MGMT: variants seen among roughly 807,000 people sequenced by gnomAD.
The protein encoded by MGMT is O-6-methylguanine-DNA methyltransferase.
MGMT carries 14 observed loss-of-function variants against 15.9 expected under a neutral mutation model. The ratio of observed to expected loss-of-function variants is 0.88; its 90% CI spans 0.58 to 1.37. MGMT has a LOEUF of 1.37. Ranked by LOEUF, MGMT falls within the 40% of genes most tolerant of loss-of-function variation. MGMT has a pLI of 0.00. For missense variants in MGMT, 282 were observed against 268.1 expected (o/e 1.05, Z -0.36); for synonymous variants, 130 against 118.2 (o/e 1.10, Z -0.65).
At chr10:129,698,778 T>G (rs1399213745) in intron 2 of MGMT, among the ~76,000 whole-genome samples, 1 of 152,226 alleles carries the variant, frequency 6.6e-6, no homozygotes, top group Admixed American at 6.5e-5. Context: ...TAAATTGTAG[T>G]CTCACGTAGT....
intron 2 of MGMT, among the ~76,000 whole-genome samples, chr10:129,619,327 G>A (rs1847064304): frequency 2.0e-5 from 3 of 152,052 alleles, no homozygotes; most frequent in Admixed American, 6.5e-5. Context: ...AGAAATGCAT[G>A]CATACATCTC....
intron 3 of MGMT, among the ~76,000 whole-genome samples, chr10:129,719,322 G>A (rs1832576569): frequency 6.6e-6 from 1 of 152,238 alleles, no homozygotes; most frequent in African/African-American, 2.4e-5. Flanking sequence ...CTTGTGTCAG[G>A]GCCATTAGCT....
rs867034852 is a variant in MGMT at position 129,544,265 on chromosome 10, G to A, written c.125+7888G>A. ...ATTGTATGCTGTGCAGGCCAGGGGA[G>A]GAAAGATCCCGGAAGTGGCAGCCAC... is the stretch of plus-strand genomic sequence containing the variant. On this transcript the variant is annotated intron_variant, in intron 2 of 4. Transcript: ENST00000651593. 1.3e-5 allele frequency among the ~76,000 whole-genome samples: 2 copies of A among 152,318 alleles called. 1 individual carries two copies. The highest frequency in any genetic ancestry group is 4.1e-4 in the South Asian group (2 of 4,824).
intron 2 of MGMT, among the ~76,000 whole-genome samples, chr10:129,704,047 C>CCCCTCTGTT (rs1848129795): frequency 6.6e-6 from 1 of 152,086 alleles, no homozygotes; most frequent in Non-Finnish European, 1.5e-5. Context: ...CCGCCTTCCC[C>CCCCTCTGTT]AGGGATCAGG....
intron 2 of MGMT, among the ~76,000 whole-genome samples, chr10:129,649,559 T>G (rs1847433808): frequency 6.6e-6 from 1 of 152,200 alleles, no homozygotes; most frequent in African/African-American, 2.4e-5. Flanking sequence ...AACTATTAAA[T>G]GTAATTGGTC....
At chr10:129,490,678 T>C (rs754588416) in intron 1 of MGMT, among the ~76,000 whole-genome samples, 8 of 152,214 alleles carry the variant, frequency 5.3e-5, no homozygotes, top group Non-Finnish European at 7.4e-5. Flanking sequence ...TTTAATTATT[T>C]AGTCCAGTCA....
intron 3 of MGMT, among the ~76,000 whole-genome samples, chr10:129,720,316 T>C (rs186442642): frequency 6.6e-6 from 1 of 152,204 alleles, no homozygotes; most frequent in East Asian, 1.9e-4. Context: ...CGTGTGCCCA[T>C]GTAGGCTGCT....
At chr10:129,742,328 A>G (rs909997820) in intron 3 of MGMT, among the ~76,000 whole-genome samples, 1 of 152,222 alleles carries the variant, frequency 6.6e-6, no homozygotes, top group Non-Finnish European at 1.5e-5. Flanking sequence ...TCCGCAGGAA[A>G]ATGACTTCAC....
chr10:129,653,905 A>G (rs1245619634), intron 2 of MGMT, among the ~76,000 whole-genome samples: 1 of 152,122 alleles, frequency 6.6e-6, no homozygotes, highest in Non-Finnish European at 1.5e-5. Flanking sequence ...GGATGAGAGG[A>G]GAGCGGCCCT....
chr10:129,536,535 C>T (rs868506253), intron 2 of MGMT, 158 bp downstream of exon 2: 33 of 857,532 alleles, frequency 3.8e-5, no homozygotes, highest in South Asian at 2.8e-4. Context: ...TGTGCTGCGA[C>T]GGCTCCTGCA....
In MGMT at chr10:129,479,380, T is replaced by G. The variant is rs549170873; in HGVS notation, c.-13+12084T>G. 5.1e-3 allele frequency among the ~76,000 whole-genome samples: 459 copies of G among 90,220 alleles called. 1 individual carries two copies. The highest frequency in any genetic ancestry group is 0.018 in the African/African-American group (439 of 23,830). 59.2% of individuals were successfully genotyped at this position (90,220 alleles called of 152,430 possible). A position where few individuals can be genotyped will look rare whatever the true frequency, so the allele number is the denominator to read the frequency against. On this transcript the variant is annotated intron_variant, in intron 1 of 4. Transcript: ENST00000651593. ...CCATGGGAACCCAATTAAAATAGAT[T>G]GGTTGATTTTTTTTTGTCTTTCATC...
intron 2 of MGMT, among the ~76,000 whole-genome samples, chr10:129,560,984 T>C (rs562240): frequency 0.36 from 53,785 of 148,892 alleles, 10,627 homozygotes; most frequent in East Asian, 0.52. Flanking sequence ...TGTGTGTGTG[T>C]GTGTGTGTGT....
chr10:129,487,731 C>A (rs1589832011), intron 1 of MGMT, among the ~76,000 whole-genome samples: 1 of 151,930 alleles, frequency 6.6e-6, no homozygotes, highest in Admixed American at 6.5e-5. Context: ...ATATTGGCTG[C>A]AATTTTCTTC....
At chr10:129,684,990 C>T (rs1847889880) in intron 2 of MGMT, among the ~76,000 whole-genome samples, 1 of 152,150 alleles carries the variant, frequency 6.6e-6, no homozygotes, top group African/African-American at 2.4e-5. Flanking sequence ...ATGACAGGCC[C>T]GAGTAGCTGA....
intron 1 of MGMT, among the ~76,000 whole-genome samples, chr10:129,530,488 A>G (rs1022218026): frequency 6.6e-6 from 1 of 152,042 alleles, no homozygotes; most frequent in African/African-American, 2.4e-5. Flanking sequence ...TAGGGGTGCT[A>G]AGGCATTGGT....
chr10:129,646,667 G>A (rs1847392397), intron 2 of MGMT, among the ~76,000 whole-genome samples: 1 of 145,870 alleles, frequency 6.9e-6, no homozygotes, highest in African/African-American at 2.6e-5. Context: ...CAGCATTATG[G>A]GGAATGCAAA....
At chr10:129,498,728 T>G (rs976898895) in intron 1 of MGMT, among the ~76,000 whole-genome samples, 2 of 152,126 alleles carry the variant, frequency 1.3e-5, no homozygotes, top group Non-Finnish European at 2.9e-5. Context: ...GTGTATCTTG[T>G]GTTTTCCCTG....
At chr10:129,756,563 G>A (rs932055104) in intron 3 of MGMT, among the ~76,000 whole-genome samples, 26 of 152,232 alleles carry the variant, frequency 1.7e-4, no homozygotes, top group Middle Eastern at 3.4e-3. Flanking sequence ...TCTGCCTCCC[G>A]GGTTCAAGTG....
At chr10:129,548,620 A>G (rs991664925) in intron 2 of MGMT, among the ~76,000 whole-genome samples, 34 of 152,234 alleles carry the variant, frequency 2.2e-4, no homozygotes, top group Admixed American at 1.3e-4. Flanking sequence ...TTCTCACAAG[A>G]AGCGGTGCTG....
Sources: gnomAD v4.1 joint callset for allele counts (sites outside exome capture counted in the v4.1 genomes callset) on GRCh38, gnomAD v4.1.1 for gene constraint, MANE v1.5 for transcripts, NCBI Gene and HGNC (gene_info 2026-07-23, HGNC 2026-07-21) for gene names.